Variants in DNAJC15 observed in about 807,000 individuals in gnomAD.
DNAJC15 encodes dnaJ homolog subfamily C member 15.
A neutral mutation model predicts 22.4 loss-of-function variants in DNAJC15; 27 were observed. The observed-to-expected ratio is 1.20, with a 90% CI of 0.89 to 1.66. The LOEUF is 1.66. DNAJC15 is among the 40% of genes most tolerant of loss of function. The pLI is 0.00. For missense variants in DNAJC15, 208 were observed against 187.1 expected, an observed-to-expected ratio of 1.11 and a Z score of -0.65; for synonymous variants, 79 against 63.2, an observed-to-expected ratio of 1.25 and a Z score of -1.19.
intron 4 of DNAJC15, among the ~76,000 whole-genome samples, chr13:43,079,454 A>G (rs1043209521): frequency 6.6e-6 from 1 of 152,170 alleles, no homozygotes; most frequent in African/African-American, 2.4e-5. Flanking sequence ...ACCTAGCAGA[A>G]AAAACAAGAG....
intron 4 of DNAJC15, among the ~76,000 whole-genome samples, chr13:43,084,958 A>T (rs1461238054): frequency 6.6e-6 from 1 of 152,236 alleles, no homozygotes; most frequent in Non-Finnish European, 1.5e-5. Flanking sequence ...GCATTAACTC[A>T]TTTAATCCTT....
At chr13:43,048,325 C>CAA (rs766125510) in intron 1 of DNAJC15, among the ~76,000 whole-genome samples, 27,790 of 130,104 alleles carry the variant, frequency 0.21, 2,961 homozygotes, top group South Asian at 0.39. Flanking sequence ...ACTAAAAATA[C>CAA]AAAAAAAAAA....
chr13:43,095,297 T>A (rs993745967), intron 5 of DNAJC15, among the ~76,000 whole-genome samples: 1 of 152,206 alleles, frequency 6.6e-6, no homozygotes, highest in Non-Finnish European at 1.5e-5. Flanking sequence ...AAATTTAGTA[T>A]TTCCCCTTGA....
At chr13:43,095,497 A>C (rs1330401987) in intron 5 of DNAJC15, among the ~76,000 whole-genome samples, 1 of 152,168 alleles carries the variant, frequency 6.6e-6, no homozygotes, top group Admixed American at 6.5e-5. Flanking sequence ...GAGTTCAGAG[A>C]AGCAGACTGG....
At chr13:43,066,155 A>G (rs914860782) in intron 2 of DNAJC15, among the ~76,000 whole-genome samples, 2 of 152,162 alleles carry the variant, frequency 1.3e-5, no homozygotes, top group African/African-American at 4.8e-5. Flanking sequence ...CGTGTAGTTT[A>G]TTGATTTGTC....
At chr13:43,088,890 ATCTT>A (rs1452739381) in intron 5 of DNAJC15, among the ~76,000 whole-genome samples, 8 of 148,716 alleles carry the variant, frequency 5.4e-5, no homozygotes, top group African/African-American at 1.7e-4. Context: ...TGGAGGGTTC[ATCTT>A]TCTTTTCCCT....
intron 3 of DNAJC15, among the ~76,000 whole-genome samples, chr13:43,072,064 C>T (rs1299738760): frequency 6.6e-6 from 1 of 152,160 alleles, no homozygotes; most frequent in African/African-American, 2.4e-5. Context: ...CTCCCGCATT[C>T]CTGCATACTC....
intron 1 of DNAJC15, among the ~76,000 whole-genome samples, chr13:43,034,791 A>G (rs1178722018): frequency 1.3e-5 from 2 of 151,930 alleles, no homozygotes; most frequent in African/African-American, 2.4e-5. Flanking sequence ...ACATACCCCC[A>G]ACGTTGTGGG....
intron 5 of DNAJC15, among the ~76,000 whole-genome samples, chr13:43,100,850 G>C (rs1425470247): frequency 6.6e-6 from 1 of 152,052 alleles, no homozygotes; most frequent in Non-Finnish European, 1.5e-5. Flanking sequence ...ATTGAAAGTG[G>C]GGTATTAGCT....
At chr13:43,069,112 T>A in intron 3 of DNAJC15, 109 bp downstream of exon 3, 1 of 1,100,278 alleles carries the variant, frequency 9.1e-7, no homozygotes, top group Non-Finnish European at 1.3e-6. Context: ...TGTAGAAGTT[T>A]GTTTCCTTCA....
intron 5 of DNAJC15, among the ~76,000 whole-genome samples, chr13:43,099,998 G>A (rs1209101678): frequency 6.6e-6 from 1 of 151,892 alleles, no homozygotes; most frequent in Non-Finnish European, 1.5e-5. Flanking sequence ...AGCCATCAGG[G>A]GCTGGGCTTT....
intron 1 of DNAJC15, among the ~76,000 whole-genome samples, chr13:43,059,871 A>C (rs1351579071): frequency 6.6e-6 from 1 of 152,224 alleles, no homozygotes; most frequent in Non-Finnish European, 1.5e-5. Context: ...GGATCTCACA[A>C]AGTGCATTCT....
Position 43,107,524 on chromosome 13 carries a change from TACACACACACACAC to T in DNAJC15, c.*295_*308del, listed in dbSNP as rs57085120. On this transcript the variant is annotated 3_prime_UTR_variant, in exon 6 of 6. Transcript: ENST00000379221. ...TTTTGTTATGTTCTGAATTCCCCCC[TACACACACACACAC>T]ACACACACACACACACACGTGCAAA... is the stretch of plus-strand genomic sequence containing the variant. 41 of 161,672 alleles carry T rather than the reference TACACACACACACAC, an allele frequency of 2.5e-4. 1 individual carries two copies. The highest frequency in any genetic ancestry group is 4.0e-4 in the Non-Finnish European group (30 of 75,320). The allele number at this position is 161,672 out of a possible 1,614,324, so 10.0% of individuals were successfully genotyped here.
chr13:43,059,165 G>T (rs2040545265), intron 1 of DNAJC15, among the ~76,000 whole-genome samples: 1 of 151,802 alleles, frequency 6.6e-6, no homozygotes, highest in Non-Finnish European at 1.5e-5. Flanking sequence ...TCTTTTTGTT[G>T]TTTTTAAAGG....
chr13:43,068,439 T>G (rs1403750101), intron 2 of DNAJC15, among the ~76,000 whole-genome samples: 3 of 152,120 alleles, frequency 2.0e-5, no homozygotes, highest in Admixed American at 2.0e-4. Flanking sequence ...AATTGCTTTT[T>G]TACTTTAGAG....
intron 5 of DNAJC15, among the ~76,000 whole-genome samples, chr13:43,104,295 A>G (rs2040785137): frequency 6.6e-6 from 1 of 152,194 alleles, no homozygotes; most frequent in African/African-American, 2.4e-5. Context: ...ATATATCTGG[A>G]ATAGTATTAT....
At chr13:43,096,485 A>G (rs1393558181) in intron 5 of DNAJC15, among the ~76,000 whole-genome samples, 1 of 152,206 alleles carries the variant, frequency 6.6e-6, no homozygotes, top group Non-Finnish European at 1.5e-5. Context: ...TAGTATTCAG[A>G]GGAAATTGAA....
intron 1 of DNAJC15, among the ~76,000 whole-genome samples, chr13:43,043,538 T>G (rs565472260): frequency 1.3e-5 from 2 of 152,340 alleles, no homozygotes; most frequent in South Asian, 4.1e-4. Context: ...TTTCTGACAG[T>G]GTGAAAAAGA....
intron 1 of DNAJC15, among the ~76,000 whole-genome samples, chr13:43,053,299 A>C (rs2040514007): frequency 6.6e-6 from 1 of 152,172 alleles, no homozygotes; most frequent in Non-Finnish European, 1.5e-5. Context: ...TGTTTTGGTG[A>C]CTATGGCTTT....
Sources: gnomAD v4.1 joint callset for allele counts (sites outside exome capture counted in the v4.1 genomes callset) on GRCh38, gnomAD v4.1.1 for gene constraint, MANE v1.5 for transcripts, NCBI Gene and HGNC (gene_info 2026-07-23, HGNC 2026-07-21) for gene names.